DCTN4: variants seen among roughly 807,000 people sequenced by gnomAD.
DCTN4 encodes dynactin subunit 4, also known as dynactin 4 (p62).
A neutral mutation model predicts 62.7 loss-of-function variants in DCTN4; 23 were observed. The observed-to-expected ratio is 0.37, with a 90% CI of 0.26 to 0.52. DCTN4 has a LOEUF of 0.52. Ranked by LOEUF, DCTN4 falls within the 20% of genes least tolerant of loss-of-function variation. DCTN4 has a pLI of 0.92. For synonymous variants in DCTN4, 199 were observed against 202.1 expected (o/e 0.98, Z 0.13); for missense variants, 514 against 580.4 (o/e 0.89, Z 1.18).
At chr5:150,748,635 T>C (rs1306378803) in intron 3 of DCTN4, among the ~76,000 whole-genome samples, 2 of 151,186 alleles carry the variant, frequency 1.3e-5, no homozygotes, top group Non-Finnish European at 2.9e-5. Flanking sequence ...ATGTCCTTTG[T>C]AGGGACATGG....
chr5:150,743,624 A>G (rs1180505764), intron 3 of DCTN4, among the ~76,000 whole-genome samples: 1 of 152,216 alleles, frequency 6.6e-6, no homozygotes, highest in Non-Finnish European at 1.5e-5. Flanking sequence ...ACGATCAGAC[A>G]GCAGCATTCG....
At chr5:150,748,038 T>A (rs1174924841) in intron 3 of DCTN4, among the ~76,000 whole-genome samples, 1 of 150,246 alleles carries the variant, frequency 6.7e-6, no homozygotes, top group Non-Finnish European at 1.5e-5. Context: ...CGCAACCTAC[T>A]CATCTGACAA....
chr5:150,727,094 G>A (rs1452382897), intron 8 of DCTN4, among the ~76,000 whole-genome samples: 1 of 151,982 alleles, frequency 6.6e-6, no homozygotes, highest in Non-Finnish European at 1.5e-5. Flanking sequence ...GGGGAGGATT[G>A]GCCTAACTAA....
At chr5:150,733,237 G>A (rs532471954) in intron 5 of DCTN4, 131 bp downstream of exon 5, 15 of 583,594 alleles carry the variant, frequency 2.6e-5, no homozygotes, top group African/African-American at 5.6e-5. Flanking sequence ...GGACTTAAAC[G>A]TCTATAATTT....
chr5:150,751,928 A>G (rs926990605), intron 3 of DCTN4, among the ~76,000 whole-genome samples: 5 of 152,202 alleles, frequency 3.3e-5, no homozygotes, highest in Non-Finnish European at 7.4e-5. Context: ...AAGAATCTAT[A>G]GAAAGGTTTT....
rs1318267531 is a variant in DCTN4 at position 150,753,601 on chromosome 5, G to A, written c.263C>T (p.Thr88Met). Residue 88 changes from threonine (T) to methionine (M), a missense_variant, in exon 3 of 13, where the codon ACG (threonine) becomes ATG (methionine). Transcript: ENST00000447998. Reference protein sequence around the residue: ...GCMHTLSTRATSISTQLPDDP... With the variant: ...GCMHTLSTRAMSISTQLPDDP... The stretch of plus-strand genomic sequence containing the variant: ...ATCTGGAAGCTGTGTGGAGATGCTC[G>A]TGGCCCGAGTAGAGAGGGTGTGCAT... 1.9e-6 allele frequency: 3 copies of A among 1,613,986 alleles called. No individual in the cohort carries two copies. Among genetic ancestry groups the A allele is most frequent in the African/African-American group, 1.3e-5 (1 of 74,908 alleles).
intron 8 of DCTN4, among the ~76,000 whole-genome samples, chr5:150,728,205 TATTATA>T (rs148321045): frequency 5.3e-5 from 8 of 152,364 alleles, no homozygotes; most frequent in African/African-American, 1.9e-4. Flanking sequence ...GCCTATTTAT[TATTATA>T]AAGTATAAAT....
At chr5:150,743,712 A>C (rs923983946) in intron 3 of DCTN4, among the ~76,000 whole-genome samples, 19 of 152,214 alleles carry the variant, frequency 1.2e-4, no homozygotes, top group African/African-American at 4.6e-4. Context: ...GACCTCTAGC[A>C]AACTCCAACA....
chr5:150,731,508 T>C lies in DCTN4; in HGVS notation c.538-19A>G. 1 of 1,607,520 alleles carries C rather than the reference T, an allele frequency of 6.2e-7. No homozygotes were observed. Among genetic ancestry groups the C allele is most frequent in the Non-Finnish European group, 8.5e-7 (1 of 1,176,960 alleles). ...ATTTGTCCTAAACAAAGTTCAGAAATTCCTATTAGAAAGTCCACTTTTACA... is the reference window on the plus strand; with the variant it reads ...ATTTGTCCTAAACAAAGTTCAGAAACTCCTATTAGAAAGTCCACTTTTACA... On this transcript the variant is annotated intron_variant, in intron 5 of 12. Coordinates refer to ENST00000447998, the MANE Select transcript of DCTN4 (RefSeq NM_016221.4).
At chr5:150,723,063 A>G in intron 8 of DCTN4, 83 bp from the exon 9 acceptor site, 1 of 988,862 alleles carries the variant, frequency 1.0e-6, no homozygotes, top group Non-Finnish European at 1.5e-6. Flanking sequence ...TCAGAAGGAC[A>G]GCATTTACGA....
chr5:150,744,221 G>A (rs544297893), intron 3 of DCTN4, among the ~76,000 whole-genome samples: 14 of 149,848 alleles, frequency 9.3e-5, no homozygotes, highest in South Asian at 8.4e-4. Flanking sequence ...GAAATGAAGC[G>A]AGAAGGGAAG....
rs766700328 is a variant in DCTN4, at chr5:150,756,449, C to A, written c.174G>T (p.Met58Ile). 2.5e-6 allele frequency: 4 copies of A among 1,601,708 alleles called. No individual in the cohort carries two copies. In the South Asian group the frequency reaches 3.4e-5, roughly 14 times the overall value. ...SHYCPSCLEN[M>I]PSAEAKLKKN... is the part of the protein sequence containing the mutation. ...TTTTTAGTTTGGCTTCAGCCGATGG[C>A]ATATTTTCTAAACAACTGGGACAAT... is the stretch of plus-strand genomic sequence containing the variant. Residue 58 changes from methionine to isoleucine, a missense_variant, in exon 2 of 13, where the codon ATG becomes ATT. Met to Ile is a conservative substitution (Grantham distance 10, BLOSUM62 1). Transcript: ENST00000447998.
chr5:150,754,935 C>A (rs1031840752), intron 2 of DCTN4, among the ~76,000 whole-genome samples: 15 of 151,396 alleles, frequency 9.9e-5, no homozygotes, highest in Non-Finnish European at 2.2e-4. Context: ...TGCACTTCAA[C>A]CTAGGCGCCA....
At position 150,753,568 on chromosome 5, in the gene DCTN4, G is replaced by C; in HGVS notation, c.296C>G (p.Ala99Gly). 1.9e-6 allele frequency: 3 copies of C among 1,614,154 alleles called. No homozygotes were observed. The highest frequency in any genetic ancestry group is 3.3e-5 in the Admixed American group (2 of 60,012). ...ATAGGCTTTCTTCATGGTGGTCTTG[G>C]CTGGGTCATCTGGAAGCTGTGTGGA... Reference protein sequence around the residue: ...SISTQLPDDPAKTTMKKAYYL... With the variant: ...SISTQLPDDPGKTTMKKAYYL... Residue 99 changes from alanine to glycine, a missense_variant, in exon 3 of 13, where the codon GCC becomes GGC. Ala to Gly is a moderately conservative substitution (Grantham distance 60, BLOSUM62 0). Transcript: ENST00000447998.
intron 4 of DCTN4, among the ~76,000 whole-genome samples, chr5:150,738,139 A>C (rs1205750303): frequency 6.6e-6 from 1 of 151,038 alleles, no homozygotes; most frequent in Non-Finnish European, 1.5e-5. Context: ...AACTGTCCAC[A>C]AAAAAAAAGC....
intron 11 of DCTN4, among the ~76,000 whole-genome samples, chr5:150,716,857 T>C (rs1264905593): frequency 6.7e-6 from 1 of 148,764 alleles, no homozygotes; most frequent in Non-Finnish European, 1.5e-5. Context: ...AGGCGGAGAG[T>C]GCAGTGAGCC....
intron 3 of DCTN4, among the ~76,000 whole-genome samples, chr5:150,744,763 C>T (rs182428107): frequency 2.6e-5 from 4 of 152,106 alleles, no homozygotes; most frequent in South Asian, 4.2e-4. Context: ...CGCCACCAGG[C>T]CTGCCCTAAA....
chr5:150,748,205 A>T (rs1329574241), intron 3 of DCTN4, among the ~76,000 whole-genome samples: 9 of 150,956 alleles, frequency 6.0e-5, no homozygotes, highest in Non-Finnish European at 1.0e-4. Context: ...ATCACTGGCC[A>T]TCAGAGAAAT....
At position 150,711,294 on chromosome 5, in the gene DCTN4, C is replaced by T. The variant is rs751974371; in HGVS notation, c.1238G>A (p.Gly413Asp). The change falls in exon 13 of 13, where the codon GGT becomes GAT. Residue 413 changes from glycine to aspartate, a missense_variant. Coordinates refer to ENST00000447998, the MANE Select transcript of DCTN4 (RefSeq NM_016221.4). The part of the protein sequence containing the change: ...FIKVTPQREE[G>D]EVTVCFKMKH... ...CATCTTGAAGCACACGGTCACTTCA[C>T]CCTCCTCACGCTGTGGTGTAACTTT... 29 of 1,613,544 alleles carry T rather than the reference C, an allele frequency of 1.8e-5. No homozygotes were observed. In the South Asian group the frequency reaches 2.4e-4, roughly 13 times the overall value.
Sources: allele counts gnomAD v4.1 joint callset (sites outside exome capture counted in the v4.1 genomes callset), GRCh38; gene constraint gnomAD v4.1.1; transcripts MANE v1.5; gene names NCBI Gene and HGNC (gene_info 2026-07-23, HGNC 2026-07-21).